PCDHA4: variants seen among roughly 807,000 people sequenced by gnomAD.
PCDHA4 encodes the protein protocadherin alpha-4.
PCDHA4 carries 49 observed loss-of-function variants against 61.4 expected under a neutral mutation model. The observed-to-expected ratio is 0.80, with a 90% confidence interval of 0.63 to 1.01. The LOEUF (loss-of-function observed/expected upper bound fraction) is 1.01. Ranked by LOEUF, PCDHA4 falls within the 50% of genes least tolerant of loss-of-function variation. The pLI is 0.00. For synonymous variants in PCDHA4, 590 were observed against 550.3 expected, an observed-to-expected ratio of 1.07 and a Z score of -1.01; for missense variants, 1,254 against 1,235.8, an observed-to-expected ratio of 1.01 and a Z score of -0.22.
At chr5:140,935,592 T>C (rs1554210581) in intron 1 of PCDHA4, among the ~76,000 whole-genome samples, 1 of 152,252 alleles carries the variant, frequency 6.6e-6, no homozygotes, top group East Asian at 1.9e-4. Context: ...ACCAGCTAGA[T>C]ACAGAGCTAG....
chr5:140,843,556 G>A, intron 1 of PCDHA4: 1 of 1,595,980 alleles, frequency 6.3e-7, no homozygotes, highest in Non-Finnish European at 8.6e-7. Context: ...CCAGTGCGGT[G>A]GGGAGCTGGT....
chr5:140,967,009 T>G, intron 1 of PCDHA4: 1 of 1,606,176 alleles, frequency 6.2e-7, no homozygotes, highest in Non-Finnish European at 8.5e-7. Flanking sequence ...GCATCAACCA[T>G]CTGGGTGCGC....
chr5:140,929,311 A>G lies in PCDHA4; in HGVS notation c.2386-49638A>G, dbSNP rs782099747. The stretch of plus-strand genomic sequence containing the variant: ...TCGGAATAGGAAAGGGGATCACGCT[A>G]ATGTCAATGCCATGGTAAGCAAATT... On this transcript the variant is annotated intron_variant, in intron 1 of 3. Coordinates refer to ENST00000530339, the MANE Select transcript of PCDHA4 (RefSeq NM_018907.4). The G allele has an allele frequency of 1.9e-6, 3 of 1,567,640 alleles. No individual in the cohort carries two copies. The South Asian group carries it at 3.5e-5, about 18-fold the overall frequency.
Position 140,849,746 on chromosome 5 carries a change from T to G in PCDHA4, c.2385+40174T>G, listed in dbSNP as rs2150447912. On this transcript the variant is annotated intron_variant, in intron 1 of 3. Transcript: ENST00000530339. ...TGGACAGAGCTCTGGACCGCGAGAG[T>G]GTGTCCGCCTACGAGCTGGTGGTTA... The G allele has an allele frequency of 2.3e-5, 37 of 1,597,844 alleles. 5 individuals carry two copies. Among genetic ancestry groups the G allele is most frequent in the Admixed American group, 6.8e-5 (4 of 59,208 alleles).
At chr5:140,883,106 T>C (rs782515785) in intron 1 of PCDHA4, 3 of 1,614,124 alleles carry the variant, frequency 1.9e-6, no homozygotes, top group Non-Finnish European at 2.5e-6. Context: ...TATAGTTTAC[T>C]CATTTAGAAG....
chr5:140,929,325 G>A (rs782073530), intron 1 of PCDHA4: 4 of 1,538,392 alleles, frequency 2.6e-6, no homozygotes, highest in Non-Finnish European at 3.5e-6. Flanking sequence ...TCAATGCCAT[G>A]GTAAGCAAAT....
intron 1 of PCDHA4, among the ~76,000 whole-genome samples, chr5:140,915,255 A>G (rs2077044659): frequency 6.6e-6 from 1 of 152,018 alleles, no homozygotes; most frequent in African/African-American, 2.4e-5. Flanking sequence ...CCAGGTTGTT[A>G]TTATTTTTGA....
intron 1 of PCDHA4, chr5:140,967,728 G>T: frequency 6.2e-7 from 1 of 1,614,176 alleles, no homozygotes; most frequent in East Asian, 2.2e-5. Context: ...CGAGTAATTG[G>T]GGGGCTGGAT....
intron 1 of PCDHA4, chr5:140,969,487 T>C: frequency 6.8e-7 from 1 of 1,460,090 alleles, no homozygotes; most frequent in Non-Finnish European, 9.1e-7. Flanking sequence ...TAATCTGCTA[T>C]TTCCTCTCTA....
chr5:140,924,872 G>A (rs1161649938), intron 1 of PCDHA4, among the ~76,000 whole-genome samples: 2 of 149,350 alleles, frequency 1.3e-5, no homozygotes, highest in South Asian at 2.1e-4. Context: ...TCCAGCCTGG[G>A]TGACAGAGCA....
intron 1 of PCDHA4, chr5:140,968,253 C>T: frequency 6.2e-7 from 1 of 1,614,026 alleles, no homozygotes; most frequent in Non-Finnish European, 8.5e-7. Context: ...GCCACAGACC[C>T]AGATGAAAAG....
rs141944056 is a variant in PCDHA4, at chr5:140,857,401, G to A, written c.2385+47829G>A. ...AGGTGGCCGACGTGAACGACAACGCGCCTGCGTTCGCGCAGTCCGAGTACA... is the reference window on the plus strand; with the variant it reads ...AGGTGGCCGACGTGAACGACAACGCACCTGCGTTCGCGCAGTCCGAGTACA... On this transcript the variant is annotated intron_variant, in intron 1 of 3. Transcript: ENST00000530339. The A allele has an allele frequency of 3.2e-3, 5,155 of 1,598,156 alleles. 411 individuals are homozygous for A. The African/African-American group carries it at 0.057, about 18-fold the overall frequency.
At chr5:140,956,925 G>GA (rs1487375223) in intron 1 of PCDHA4, among the ~76,000 whole-genome samples, 1 of 151,858 alleles carries the variant, frequency 6.6e-6, no homozygotes, top group Non-Finnish European at 1.5e-5. Context: ...AATCTTGCTG[G>GA]ATATAGGATA....
chr5:140,824,610 G>GTTGTTTTTTTTTT (rs1768193318), intron 1 of PCDHA4: 13 of 95,104 alleles, frequency 1.4e-4, no homozygotes, highest in African/African-American at 5.8e-4. Context: ...GCTAATTAAA[G>GTTGTTTTTTTTTT]TTTTTTTTTT....
At chr5:140,893,898 C>T (rs2064223960) in intron 1 of PCDHA4, among the ~76,000 whole-genome samples, 9 of 152,114 alleles carry the variant, frequency 5.9e-5, no homozygotes, top group Admixed American at 5.2e-4. Flanking sequence ...GTTACTTTAC[C>T]TTCTGAATTT....
At chr5:140,898,720 T>C (rs1343662110) in intron 1 of PCDHA4, among the ~76,000 whole-genome samples, 5 of 152,214 alleles carry the variant, frequency 3.3e-5, no homozygotes, top group African/African-American at 4.8e-5. Flanking sequence ...TTTCCAATTC[T>C]GTGAAGAAAG....
chr5:140,926,181 C>T (rs1298109352), intron 1 of PCDHA4, among the ~76,000 whole-genome samples: 7 of 151,718 alleles, frequency 4.6e-5, no homozygotes, highest in Admixed American at 2.6e-4. Context: ...GCGGAAAGCC[C>T]CCCGCAGCAC....
chr5:140,896,092 TG>T (rs2065379013), intron 1 of PCDHA4, among the ~76,000 whole-genome samples: 1 of 152,194 alleles, frequency 6.6e-6, no homozygotes, highest in Non-Finnish European at 1.5e-5. Context: ...ATTACAGGCG[TG>T]AGCCACTGTG....
chr5:140,907,690 G>C (rs761914004), intron 1 of PCDHA4, among the ~76,000 whole-genome samples: 1 of 152,196 alleles, frequency 6.6e-6, no homozygotes, highest in African/African-American at 2.4e-5. Context: ...TTGGTGAGTG[G>C]AAGTCCCTGT....
Sources: allele counts gnomAD v4.1 joint callset (sites outside exome capture counted in the v4.1 genomes callset), GRCh38; gene constraint gnomAD v4.1.1; transcripts MANE v1.5; gene names NCBI Gene and HGNC (gene_info 2026-07-23, HGNC 2026-07-21).